The following TRIM25 variants were observed in gnomAD, a reference collection of about 807,000 sequenced individuals.
TRIM25 encodes tripartite motif containing 25, also known as E3 ubiquitin/ISG15 ligase TRIM25.
A neutral mutation model predicts 65.2 loss-of-function variants in TRIM25; 45 were observed. The observed-to-expected ratio is 0.69, with a 90% CI of 0.54 to 0.89. The LOEUF (loss-of-function observed/expected upper bound fraction) is 0.89. Ranked by LOEUF, TRIM25 falls within the 40% of genes least tolerant of loss-of-function variation. The pLI is 0.00. For synonymous variants in TRIM25, 321 were observed against 340.4 expected, an observed-to-expected ratio of 0.94 and a Z score of 0.63; for missense variants, 714 against 803.7, an observed-to-expected ratio of 0.89 and a Z score of 1.35.
intron 1 of TRIM25, among the ~76,000 whole-genome samples, chr17:56,911,126 G>A (rs1462627838): frequency 6.6e-6 from 1 of 152,016 alleles, no homozygotes; most frequent in Non-Finnish European, 1.5e-5. Flanking sequence ...AATATTAGCT[G>A]GGTGTGGTGG....
chr17:56,892,182 C>A lies in TRIM25; in HGVS notation c.1411G>T (p.Ala471Ser), dbSNP rs1272233401. 1 of 1,611,930 alleles carries A rather than the reference C, an allele frequency of 6.2e-7. No individual in the cohort carries two copies. Among genetic ancestry groups the A allele is most frequent in the East Asian group, 2.2e-5 (1 of 44,798 alleles). The change falls in exon 9 of 9, where the codon GCT becomes TCT. Residue 471 changes from alanine to serine, a missense_variant. Ala to Ser is a moderately conservative substitution (Grantham distance 99). This residue lies in a region of TRIM25 where 413 missense variants were observed against 498.2 expected (regional missense o/e 0.83). Transcript: ENST00000316881. The part of the protein sequence containing the change: ...LDYNTAHNKV[A>S]LSECYTVASV... ...GCTACTGTATAGCACTCTGACAGAG[C>A]CACTTTGTTGTGGGCGGTGTTGTAG... is the stretch of plus-strand genomic sequence containing the variant.
At position 56,889,776 on chromosome 17, in the gene TRIM25, G is replaced by A. The variant is rs1909129948; in HGVS notation, c.*1924C>T. On this transcript the variant is annotated 3_prime_UTR_variant, in exon 9 of 9. Coordinates refer to ENST00000316881, the MANE Select transcript of TRIM25 (RefSeq NM_005082.5). ...GTTTCCCAAGTATTAATTGGTTTCA[G>A]ACAAGGCTTTCGTTTCAGAAAATCA... The A allele has an allele frequency of 2.5e-6, 1 of 398,492 alleles. No individual in the cohort carries two copies. Among genetic ancestry groups the A allele is most frequent in the African/African-American group, 2.1e-5 (1 of 48,620 alleles). 24.7% of individuals were successfully genotyped at this position (398,492 alleles called of 1,614,324 possible). A position where few individuals can be genotyped will look rare whatever the true frequency, so the allele number is the denominator to read the frequency against.
At chr17:56,907,195 C>G (rs887630255) in intron 2 of TRIM25, among the ~76,000 whole-genome samples, 1 of 152,132 alleles carries the variant, frequency 6.6e-6, no homozygotes, top group Non-Finnish European at 1.5e-5. Flanking sequence ...TCACATGAAC[C>G]CTTAGTCTGG....
At position 56,904,285 on chromosome 17, in the gene TRIM25, C is replaced by T; in HGVS notation, c.897G>A (p.Leu299=). The T allele has an allele frequency of 6.2e-7, 1 of 1,613,824 alleles. No homozygotes were observed. Among genetic ancestry groups the T allele is most frequent in the Admixed American group, 1.7e-5 (1 of 59,978 alleles). The stretch of plus-strand genomic sequence containing the variant: ...GAAACTCGAACTCATCCCTCTTGGT[C>T]AGGCTCTGTTCAATCTCCTCCTTCA... ...QTLKEEIEQS[L]TKRDEFEFLE... Residue 299 remains leucine (L), a synonymous_variant, in exon 3 of 9, where the codon CTG becomes CTA. Transcript: ENST00000316881.
In TRIM25 at chr17:56,894,974, G is replaced by A. The variant is rs1456095243; in HGVS notation, c.1363+369C>T. 2.6e-5 allele frequency among the ~76,000 whole-genome samples: 4 copies of A among 152,222 alleles called. No homozygotes were observed. In the East Asian group the frequency reaches 5.8e-4, roughly 22 times the overall value. On this transcript the variant is annotated intron_variant, in intron 8 of 8. Coordinates refer to ENST00000316881, the MANE Select transcript of TRIM25 (RefSeq NM_005082.5). ...GGGAATGGTGGCTCTGGAGAGTGGT[G>A]GGGAGGAGACAGGAGATGCAGGGCA...
rs776527461 is a variant in TRIM25, at chr17:56,904,349, T to A, written c.833A>T (p.Tyr278Phe). Residue 278 changes from tyrosine to phenylalanine, a missense_variant, in exon 3 of 9, where the codon TAT becomes TTT. Physicochemically the swap from Tyr to Phe is conservative, Grantham distance 22. Transcript: ENST00000316881. ...ACTCTTCTTCTTGAGGAGAATCTGA[T>A]AAATGGTGTCAAACTTGCTGTTGAC... ...KRVNSKFDTI[Y>F]QILLKKKSEI... is the part of the protein sequence containing the mutation. The A allele has an allele frequency of 6.2e-7, 1 of 1,614,162 alleles. No individual in the cohort carries two copies. Among genetic ancestry groups the A allele is most frequent in the South Asian group, 1.1e-5 (1 of 91,090 alleles).
chr17:56,906,908 G>A (rs908720671), intron 2 of TRIM25, among the ~76,000 whole-genome samples: 10 of 152,164 alleles, frequency 6.6e-5, no homozygotes, highest in East Asian at 1.9e-4. Context: ...TCATCTGGGC[G>A]TGTGGCTACT....
At chr17:56,904,033 T>C (rs1043229747) in intron 3 of TRIM25, among the ~76,000 whole-genome samples, 2 of 152,126 alleles carry the variant, frequency 1.3e-5, no homozygotes, top group Admixed American at 1.3e-4. Flanking sequence ...ATGTCCAGAT[T>C]CCTGAGCCAG....
At chr17:56,907,726 C>T (rs188319621) in intron 2 of TRIM25, among the ~76,000 whole-genome samples, 20 of 152,288 alleles carry the variant, frequency 1.3e-4, no homozygotes, top group Admixed American at 5.2e-4. Flanking sequence ...AAGACATGTC[C>T]ATATACCAGA....
At chr17:56,893,601 A>C (rs895228271) in intron 8 of TRIM25, among the ~76,000 whole-genome samples, 1 of 152,198 alleles carries the variant, frequency 6.6e-6, no homozygotes, top group Non-Finnish European at 1.5e-5. Context: ...CTCCACATGG[A>C]AGTGGGTACC....
Position 56,892,098 on chromosome 17 carries a change from A to T in TRIM25, c.1495T>A (p.Ser499Thr). The change falls in exon 9 of 9, where the codon TCT becomes ACT. Residue 499 changes from serine to threonine, a missense_variant. Physicochemically the swap from Ser to Thr is moderately conservative, Grantham distance 58. This residue lies in a region of TRIM25 where 413 missense variants were observed against 498.2 expected (regional missense o/e 0.83). Transcript: ENST00000316881. ...TAGCAGTGCAGGCCCAGCACCTGAG[A>T]GCAGTATGTGAACCTCTGGGGATGC... The part of the protein sequence containing the change: ...RPHPQRFTYC[S>T]QVLGLHCYKK... The T allele has an allele frequency of 6.2e-7, 1 of 1,614,176 alleles. No homozygotes were observed. Among genetic ancestry groups the T allele is most frequent in the Non-Finnish European group, 8.5e-7 (1 of 1,180,028 alleles).
rs1267692699 is a variant in TRIM25 at position 56,891,965 on chromosome 17, C to T, written c.1628G>A (p.Gly543Asp). 6.2e-7 allele frequency: 1 copy of T among 1,614,212 alleles called. No homozygotes were observed. The highest frequency in any genetic ancestry group is 1.3e-5 in the African/African-American group (1 of 75,048). Reference sequence around the variant, plus strand: ...CACGCACCAGGAGGCGCTGTTGCGGCCGAGCCTGCTTTCTGGGCCCTGCCG... The same window carrying T: ...CACGCACCAGGAGGCGCTGTTGCGGTCGAGCCTGCTTTCTGGGCCCTGCCG... ...MNRQGPESRLGRNSASWCVEW... is the reference protein window; with the variant it reads ...MNRQGPESRLDRNSASWCVEW... Residue 543 changes from glycine (G) to aspartate (D), a missense_variant, in exon 9 of 9, where the codon GGC becomes GAC. Physicochemically the swap from Gly to Asp is moderately conservative, Grantham distance 94 (BLOSUM62 -1). Coordinates refer to ENST00000316881, the MANE Select transcript of TRIM25 (RefSeq NM_005082.5).
intron 3 of TRIM25, among the ~76,000 whole-genome samples, chr17:56,903,969 C>T (rs766735298): frequency 1.3e-5 from 2 of 152,182 alleles, no homozygotes; most frequent in Non-Finnish European, 2.9e-5. Flanking sequence ...ACAGCCTGGC[C>T]ATCCCTCGCA....
intron 1 of TRIM25, among the ~76,000 whole-genome samples, chr17:56,910,107 C>T (rs750433572): frequency 1.1e-4 from 16 of 151,962 alleles, no homozygotes; most frequent in Non-Finnish European, 1.9e-4. Flanking sequence ...GCTAAGATCC[C>T]GATATTAAAA....
rs1190816509 is a variant in TRIM25, at chr17:56,888,322, T to C, written c.*3378A>G. On this transcript the variant is annotated 3_prime_UTR_variant, in exon 9 of 9. Coordinates refer to ENST00000316881, the MANE Select transcript of TRIM25 (RefSeq NM_005082.5). ...CTCACAAATAACAAAGACACTCCTA[T>C]TACCCTGGAAATGTCAAGGACTGAA... 2 of 152,062 alleles carry C rather than the reference T, an allele frequency of 1.3e-5. No individual in the cohort carries two copies. Among genetic ancestry groups the C allele is most frequent in the African/African-American group, 4.8e-5 (2 of 41,394 alleles). The allele number at this position is 152,062 out of a possible 1,614,324, so 9.4% of individuals were successfully genotyped here. A position where few individuals can be genotyped will look rare whatever the true frequency, so the allele number is the denominator to read the frequency against.
chr17:56,901,037 G>A (rs935506796), intron 4 of TRIM25, among the ~76,000 whole-genome samples: 2 of 152,072 alleles, frequency 1.3e-5, no homozygotes, highest in Non-Finnish European at 2.9e-5. Context: ...TTGGATATGG[G>A]GTGATGAAAA....
At chr17:56,910,073 G>A (rs1030731939) in intron 1 of TRIM25, among the ~76,000 whole-genome samples, 2 of 152,108 alleles carry the variant, frequency 1.3e-5, no homozygotes, top group Non-Finnish European at 2.9e-5. Flanking sequence ...ACTTGCCCCA[G>A]CTACACTACT....
chr17:56,903,301 G>A (rs1405554423), intron 3 of TRIM25, among the ~76,000 whole-genome samples: 1 of 152,200 alleles, frequency 6.6e-6, no homozygotes, highest in Non-Finnish European at 1.5e-5. Flanking sequence ...TCAGGAGGCT[G>A]AGGCAGGAGG....
rs543973883 is a variant in TRIM25 at position 56,888,902 on chromosome 17, G to C, written c.*2798C>G. On this transcript the variant is annotated 3_prime_UTR_variant, in exon 9 of 9. Transcript: ENST00000316881. ...GACGAACAAATAGCATTTTGTACCC[G>C]CACTACAATGCAGGAGAACGCCAAA... is the stretch of plus-strand genomic sequence containing the variant. 1 of 152,158 alleles carries C rather than the reference G, an allele frequency of 6.6e-6. No individual in the cohort carries two copies. Among genetic ancestry groups the C allele is most frequent in the African/African-American group, 2.4e-5 (1 of 41,420 alleles). The allele number at this position is 152,158 out of a possible 1,614,324, so 9.4% of individuals were successfully genotyped here.
Sources: gnomAD v4.1 joint callset for allele counts (sites outside exome capture counted in the v4.1 genomes callset) on GRCh38, gnomAD v4.1.1 for gene constraint, gnomAD v4.1.1 regional missense constraint, MANE v1.5 for transcripts, NCBI Gene and HGNC (gene_info 2026-07-23, HGNC 2026-07-21) for gene names.